The following ARFIP1 variants were observed in gnomAD, a reference collection of about 807,000 sequenced individuals.
ARFIP1 encodes ARF interacting protein 1.
A neutral mutation model predicts 42.5 loss-of-function variants in ARFIP1; 24 were observed. The ratio of observed to expected loss-of-function variants is 0.57; its 90% CI spans 0.41 to 0.80. The LOEUF is 0.80. Among genes scored for constraint, ARFIP1 ranks in the 30% least tolerant of loss-of-function variants. The pLI is 0.00. For synonymous variants in ARFIP1, 141 were observed against 153.7 expected, an observed-to-expected ratio of 0.92 and a Z score of 0.61; for missense variants, 354 against 434.0, an observed-to-expected ratio of 0.82 and a Z score of 1.64.
chr4:152,859,027 T>C (rs1317301593), intron 2 of ARFIP1, among the ~76,000 whole-genome samples: 1 of 152,196 alleles, frequency 6.6e-6, no homozygotes, highest in African/African-American at 2.4e-5. Context: ...TTTTCCTTTA[T>C]AAGAGACATA....
At chr4:152,831,703 C>G (rs1731252582) in intron 2 of ARFIP1, among the ~76,000 whole-genome samples, 1 of 152,180 alleles carries the variant, frequency 6.6e-6, no homozygotes, top group Admixed American at 6.5e-5. Flanking sequence ...TCTTTTTCAA[C>G]TGGCTTTCAC....
At chr4:152,811,521 T>G (rs1395589633) in intron 1 of ARFIP1, among the ~76,000 whole-genome samples, 1 of 152,158 alleles carries the variant, frequency 6.6e-6, no homozygotes, top group Non-Finnish European at 1.5e-5. Flanking sequence ...TCAGCAAATG[T>G]TCATAGATAT....
intron 1 of ARFIP1, among the ~76,000 whole-genome samples, chr4:152,808,531 C>T (rs756554198): frequency 6.6e-6 from 1 of 151,260 alleles, no homozygotes; most frequent in African/African-American, 2.4e-5. Context: ...ATAGGATAGT[C>T]GTATGTTTAA....
intron 1 of ARFIP1, among the ~76,000 whole-genome samples, chr4:152,786,044 A>T (rs992061612): frequency 1.3e-4 from 20 of 152,230 alleles, no homozygotes; most frequent in African/African-American, 4.8e-4. Flanking sequence ...CATGGTGCCT[A>T]GCAGTTTTTG....
At chr4:152,817,667 A>G (rs1252566857) in intron 1 of ARFIP1, among the ~76,000 whole-genome samples, 3 of 152,116 alleles carry the variant, frequency 2.0e-5, no homozygotes, top group Admixed American at 6.5e-5. Context: ...AAGGCAACCT[A>G]TAGAATGGGA....
chr4:152,825,793 A>T (rs183923149), intron 1 of ARFIP1, among the ~76,000 whole-genome samples: 10 of 152,358 alleles, frequency 6.6e-5, no homozygotes, highest in Non-Finnish European at 1.3e-4. Context: ...TGCATCTGAC[A>T]GCCAATATCC....
chr4:152,816,892 G>A (rs890590287), intron 1 of ARFIP1, among the ~76,000 whole-genome samples: 1 of 151,932 alleles, frequency 6.6e-6, no homozygotes, highest in African/African-American at 2.4e-5. Context: ...TACTATATTC[G>A]TAATCTGTTA....
intron 2 of ARFIP1, among the ~76,000 whole-genome samples, chr4:152,842,003 G>T (rs1342290683): frequency 6.6e-6 from 1 of 152,094 alleles, no homozygotes; most frequent in South Asian, 2.1e-4. Flanking sequence ...TTGAGAGCGG[G>T]GACTGAGAGA....
chr4:152,790,569 C>T (rs1389180956), intron 1 of ARFIP1, among the ~76,000 whole-genome samples: 1 of 152,150 alleles, frequency 6.6e-6, no homozygotes, highest in Non-Finnish European at 1.5e-5. Context: ...TGCAGACAGT[C>T]AGTTTTGTTA....
intron 7 of ARFIP1, among the ~76,000 whole-genome samples, chr4:152,887,903 C>T (rs1736392562): frequency 1.3e-5 from 2 of 151,954 alleles, no homozygotes; most frequent in Non-Finnish European, 2.9e-5. Flanking sequence ...TCAGTTAATA[C>T]TGTGCTTTGA....
intron 1 of ARFIP1, among the ~76,000 whole-genome samples, chr4:152,806,880 C>T (rs1165116286): frequency 1.3e-5 from 2 of 150,898 alleles, no homozygotes; most frequent in African/African-American, 4.9e-5. Context: ...ACTCTGACAC[C>T]CATGCTGGAA....
At chr4:152,850,059 T>A (rs1439573085) in intron 2 of ARFIP1, among the ~76,000 whole-genome samples, 1 of 152,256 alleles carries the variant, frequency 6.6e-6, no homozygotes, top group Non-Finnish European at 1.5e-5. Context: ...TACGCATTTC[T>A]GCAAGTATAC....
chr4:152,792,792 T>G (rs1731212286), intron 1 of ARFIP1, among the ~76,000 whole-genome samples: 1 of 152,208 alleles, frequency 6.6e-6, no homozygotes, highest in South Asian at 2.1e-4. Flanking sequence ...TGTATAGATT[T>G]GGTCTATTCA....
At chr4:152,889,553 G>T (rs1736567510) in intron 8 of ARFIP1, among the ~76,000 whole-genome samples, 1 of 125,942 alleles carries the variant, frequency 7.9e-6, no homozygotes, top group African/African-American at 3.0e-5. Flanking sequence ...TTTTGTGTGT[G>T]TGTGTATATT....
chr4:152,799,460 C>T (rs1332684200), intron 1 of ARFIP1, among the ~76,000 whole-genome samples: 2 of 152,162 alleles, frequency 1.3e-5, no homozygotes, highest in African/African-American at 2.4e-5. Context: ...TTCAACTAAG[C>T]CAAGCTACTG....
rs146868626 is a variant in ARFIP1, at chr4:152,834,398, C to T, written c.93+4672C>T. The stretch of plus-strand genomic sequence containing the variant: ...TCAAGTCTAAACTCTCAACTAGAGA[C>T]GAATTTCTTCCACCTATGAGTGTGC... On this transcript the variant is annotated intron_variant, in intron 2 of 8. Coordinates refer to ENST00000353617, the MANE Select transcript of ARFIP1 (RefSeq NM_001025595.3). 2.2e-4 allele frequency among the ~76,000 whole-genome samples: 34 copies of T among 152,264 alleles called. No homozygotes were observed. In the East Asian group the frequency reaches 3.7e-3, roughly 16 times the overall value.
chr4:152,871,763 C>A (rs997051771), intron 4 of ARFIP1, among the ~76,000 whole-genome samples: 8 of 151,978 alleles, frequency 5.3e-5, no homozygotes, highest in South Asian at 2.1e-4. Flanking sequence ...GCTTTCATAT[C>A]AAAAATTCTT....
At chr4:152,830,280 C>T (rs1345041128) in intron 2 of ARFIP1, among the ~76,000 whole-genome samples, 3 of 152,122 alleles carry the variant, frequency 2.0e-5, no homozygotes, top group Non-Finnish European at 4.4e-5. Flanking sequence ...ACATTTCTAG[C>T]AGTATAACCT....
At chr4:152,898,812 A>G (rs953341587) in intron 8 of ARFIP1, among the ~76,000 whole-genome samples, 1 of 152,264 alleles carries the variant, frequency 6.6e-6, no homozygotes, top group Admixed American at 6.5e-5. Context: ...ACCCTGGATC[A>G]TATGTTTAAG....
Sources: gnomAD v4.1 joint callset for allele counts (sites outside exome capture counted in the v4.1 genomes callset) on GRCh38, gnomAD v4.1.1 for gene constraint, MANE v1.5 for transcripts, NCBI Gene and HGNC (gene_info 2026-07-23, HGNC 2026-07-21) for gene names.